Variants in ATXN1 observed in about 807,000 individuals in gnomAD.
ATXN1 encodes the protein ataxin 1.
In ATXN1, 8 loss-of-function variants were observed where a neutral mutation model predicts 56.4. The observed-to-expected ratio is 0.14, with a 90% CI of 0.08 to 0.26. The LOEUF (loss-of-function observed/expected upper bound fraction) is 0.26, where lower values mean the gene tolerates loss of function less well. ATXN1 is among the 10% of genes least tolerant of loss of function. The probability of loss-of-function intolerance (pLI) is 1.00; values close to 1 mark genes in which losing one functional copy is unlikely to be tolerated. For synonymous variants in ATXN1, 514 were observed against 494.6 expected (o/e 1.04, Z -0.52); for missense variants, 987 against 1,106.5 (o/e 0.89, Z 1.53).
rs575332359 is a variant in ATXN1, at chr6:16,299,728, C to T, written c.*6601G>A. ...TGGCTGGAAATGAAGACTGTCTAATCTGAAGGTCACCACAAATACTGACAG... is the reference window on the plus strand; with the variant it reads ...TGGCTGGAAATGAAGACTGTCTAATTTGAAGGTCACCACAAATACTGACAG... On this transcript the variant is annotated 3_prime_UTR_variant, in exon 8 of 8. Transcript: ENST00000436367. 2 of 152,748 alleles carry T rather than the reference C, an allele frequency of 1.3e-5. No homozygotes were observed. Among genetic ancestry groups the T allele is most frequent in the African/African-American group, 4.8e-5 (2 of 41,572 alleles). The allele number at this position is 152,748 out of a possible 1,614,324, so 9.5% of individuals were successfully genotyped here.
chr6:16,640,146 T>C (rs543396580), intron 3 of ATXN1, among the ~76,000 whole-genome samples: 101 of 152,288 alleles, frequency 6.6e-4, no homozygotes, highest in African/African-American at 2.4e-3. Flanking sequence ...CATGTGCTCA[T>C]GTTGAGCCTC....
chr6:16,710,958 C>G (rs954965484), intron 2 of ATXN1, among the ~76,000 whole-genome samples: 13 of 152,058 alleles, frequency 8.5e-5, no homozygotes, highest in Non-Finnish European at 4.4e-5. Flanking sequence ...GCTGCAGTCA[C>G]TGTAGCCTCA....
intron 4 of ATXN1, among the ~76,000 whole-genome samples, chr6:16,542,422 C>T (rs1047157232): frequency 4.6e-5 from 7 of 152,186 alleles, no homozygotes; most frequent in African/African-American, 1.7e-4. Context: ...TTCATCTTCT[C>T]CCTCCTATGT....
At chr6:16,648,041 CT>C (rs1763831381) in intron 3 of ATXN1, among the ~76,000 whole-genome samples, 3 of 152,206 alleles carry the variant, frequency 2.0e-5, no homozygotes, top group Non-Finnish European at 2.9e-5. Flanking sequence ...CGCTATTGCA[CT>C]CCAGCCTGGG....
chr6:16,450,298 C>A (rs896330770), intron 6 of ATXN1, among the ~76,000 whole-genome samples: 1 of 129,742 alleles, frequency 7.7e-6, no homozygotes, highest in African/African-American at 2.6e-5. Flanking sequence ...CTTACTTAAT[C>A]TTCCTCTTCT....
chr6:16,515,096 C>A (rs1761155069), intron 5 of ATXN1, among the ~76,000 whole-genome samples: 1 of 152,084 alleles, frequency 6.6e-6, no homozygotes, highest in South Asian at 2.1e-4. Context: ...CCATTCCTTT[C>A]ATTGTTTCTA....
rs34157279 is a variant in ATXN1, at chr6:16,614,734, C to T, written c.-488-28827G>A. Among the ~76,000 whole-genome samples, 435 of 151,138 alleles carry T rather than the reference C, an allele frequency of 2.9e-3. 9 individuals carry two copies. Among genetic ancestry groups the T allele is most frequent in the Middle Eastern group, 6.8e-3 (2 of 294 alleles). On this transcript the variant is annotated intron_variant, in intron 3 of 7. Transcript: ENST00000436367. ...GGTCAGGAGTTTGAGACCAGCCTGG[C>T]GAACATGGTGAAACTCCGTCTCTAC...
At chr6:16,744,317 C>G (rs1760447390) in intron 2 of ATXN1, among the ~76,000 whole-genome samples, 2 of 152,140 alleles carry the variant, frequency 1.3e-5, no homozygotes, top group Non-Finnish European at 1.5e-5. Context: ...GGATGAAAAC[C>G]AGCGCCAAGG....
intron 1 of ATXN1, among the ~76,000 whole-genome samples, chr6:16,756,615 T>A (rs994662629): frequency 6.6e-6 from 1 of 152,184 alleles, no homozygotes; most frequent in African/African-American, 2.4e-5. Context: ...TCATTCGAAC[T>A]ATTGAATTAC....
At chr6:16,515,175 G>A (rs988300567) in intron 5 of ATXN1, among the ~76,000 whole-genome samples, 7 of 151,800 alleles carry the variant, frequency 4.6e-5, no homozygotes, top group Admixed American at 2.6e-4. Flanking sequence ...TTTGTAACAC[G>A]CCCACAGTAG....
intron 4 of ATXN1, among the ~76,000 whole-genome samples, chr6:16,541,816 G>C (rs947643717): frequency 6.6e-6 from 1 of 152,152 alleles, no homozygotes; most frequent in African/African-American, 2.4e-5. Flanking sequence ...ATTGTATCCT[G>C]CTAACGTAAA....
chr6:16,472,365 G>C (rs760815787), intron 6 of ATXN1, among the ~76,000 whole-genome samples: 22 of 152,112 alleles, frequency 1.4e-4, no homozygotes, highest in Non-Finnish European at 3.1e-4. Flanking sequence ...CTATAAAGCT[G>C]AGCTCATCCC....
At chr6:16,500,279 G>A (rs1178134896) in intron 5 of ATXN1, among the ~76,000 whole-genome samples, 1 of 152,172 alleles carries the variant, frequency 6.6e-6, no homozygotes, top group Non-Finnish European at 1.5e-5. Flanking sequence ...AACTCTGAGA[G>A]ATTAATTAAG....
At chr6:16,619,103 A>T (rs1763272310) in intron 3 of ATXN1, among the ~76,000 whole-genome samples, 1 of 152,184 alleles carries the variant, frequency 6.6e-6, no homozygotes, top group African/African-American at 2.4e-5. Flanking sequence ...TAACTTATCA[A>T]ATTGGCAGAG....
Position 16,753,345 on chromosome 6 carries a change from C to T in ATXN1, c.-727G>A, listed in dbSNP as rs181028436. 1.3e-5 allele frequency: 6 copies of T among 456,932 alleles called. No individual in the cohort carries two copies. The Admixed American group carries it at 1.4e-4, about 11-fold the overall frequency. 28.3% of individuals were successfully genotyped at this position (456,932 alleles called of 1,614,324 possible). ...CACCCTGGTGACTTGATGCACGATG[C>T]TCCTGCAATGGTCGAGGGAGTGCAG... On this transcript the variant is annotated splice_region_variant and 5_prime_UTR_variant, in exon 2 of 8. Transcript: ENST00000436367.
Position 16,327,472 on chromosome 6 carries a change from G to A in ATXN1, c.839C>T (p.Thr280Met), listed in dbSNP as rs1211304379. The change falls in exon 7 of 8, where the codon ACG becomes ATG. Residue 280 changes from threonine to methionine, a missense_variant. By Grantham distance (81) the Thr-to-Met change is moderately conservative. Transcript: ENST00000436367. ...CTGGGAGGGGGGCCCCAGGGTGAGC[G>A]TGTGTGGGATCATCGTCTGGTGGGG... ...LHPHQTMIPH[T>M]LTLGPPSQVV... is the part of the protein sequence containing the mutation. 13 of 1,613,352 alleles carry A rather than the reference G, an allele frequency of 8.1e-6. No individual in the cohort carries two copies. The highest frequency in any genetic ancestry group is 1.7e-5 in the Admixed American group (1 of 60,002).
At chr6:16,392,083 C>T (rs1305525560) in intron 6 of ATXN1, among the ~76,000 whole-genome samples, 2 of 152,238 alleles carry the variant, frequency 1.3e-5, no homozygotes, top group African/African-American at 4.8e-5. Flanking sequence ...AACATCAACT[C>T]TTCTCAGAGG....
chr6:16,317,145 G>A (rs1478924762), intron 7 of ATXN1, among the ~76,000 whole-genome samples: 2 of 152,036 alleles, frequency 1.3e-5, no homozygotes, highest in Non-Finnish European at 2.9e-5. Flanking sequence ...ACATTTTCCA[G>A]AATGGTTTCT....
At chr6:16,557,018 T>G (rs1212123731) in intron 4 of ATXN1, among the ~76,000 whole-genome samples, 1 of 152,006 alleles carries the variant, frequency 6.6e-6, no homozygotes, top group African/African-American at 2.4e-5. Context: ...GAAGGAGGAC[T>G]ATATGCAAGA....
Sources: gnomAD v4.1 joint callset for allele counts (sites outside exome capture counted in the v4.1 genomes callset) on GRCh38, gnomAD v4.1.1 for gene constraint, MANE v1.5 for transcripts, NCBI Gene and HGNC (gene_info 2026-07-23, HGNC 2026-07-21) for gene names.